Variants in SKIC3 observed in about 807,000 individuals in gnomAD.
The protein encoded by SKIC3 is superkiller complex protein 3.
At chr5:95,552,049 C>A in the SKIC3 span, among the ~76,000 whole-genome samples, 3 of 152,176 alleles carry the variant, frequency 2.0e-5, no homozygotes, top group African/African-American at 7.2e-5. Context: ...AAACTTCTTA[C>A]CTATACAAAC....
the SKIC3 span, chr5:95,523,503 G>A: frequency 8.5e-7 from 1 of 1,170,922 alleles, no homozygotes; most frequent in Admixed American, 2.7e-5. Flanking sequence ...TCTGCCAATG[G>A]AAAAAAACTT....
the SKIC3 span, chr5:95,528,968 C>A: frequency 6.3e-7 from 1 of 1,582,772 alleles, no homozygotes; most frequent in Non-Finnish European, 8.7e-7. Flanking sequence ...GTTGGTCACC[C>A]TTATATGTCA....
chr5:95,490,562 A>G, the SKIC3 span, among the ~76,000 whole-genome samples: 2 of 150,282 alleles, frequency 1.3e-5, no homozygotes, highest in African/African-American at 4.9e-5. Context: ...CGGTGGCGCA[A>G]TCTCGGCTCA....
the SKIC3 span, chr5:95,509,638 G>T: frequency 6.2e-7 from 1 of 1,613,704 alleles, no homozygotes; most frequent in Non-Finnish European, 8.5e-7. Context: ...GTAGATGTTC[G>T]TTTAAGTAAC....
the SKIC3 span, among the ~76,000 whole-genome samples, chr5:95,548,053 TTAA>T: frequency 6.6e-6 from 1 of 152,102 alleles, no homozygotes; most frequent in African/African-American, 2.4e-5. Flanking sequence ...TTAAGATATA[TTAA>T]TTTTAAATAA....
the SKIC3 span, chr5:95,536,774 T>C: frequency 9.1e-5 from 135 of 1,484,178 alleles, no homozygotes; most frequent in Non-Finnish European, 4.0e-5. Flanking sequence ...ACTCACATAA[T>C]CACACACCTC....
the SKIC3 span, among the ~76,000 whole-genome samples, chr5:95,485,942 G>A: frequency 4.3e-4 from 65 of 152,242 alleles, no homozygotes; most frequent in African/African-American, 1.5e-3. Context: ...TGGGAGCCTA[G>A]AAAGGCTCCT....
chr5:95,498,629 T>G, the SKIC3 span: 1 of 712,034 alleles, frequency 1.4e-6, no homozygotes, highest in Non-Finnish European at 1.8e-6. Flanking sequence ...TAGTTAGTCT[T>G]TTTTTTTTTT....
At chr5:95,498,689 C>T in the SKIC3 span, 1 of 1,113,600 alleles carries the variant, frequency 9.0e-7, no homozygotes, top group South Asian at 1.4e-5. Flanking sequence ...GCAGTGGCAC[C>T]ATCTCGGCTC....
the SKIC3 span, chr5:95,482,398 G>A: frequency 2.1e-6 from 3 of 1,453,394 alleles, no homozygotes; most frequent in African/African-American, 4.2e-5. Context: ...AATAAAAATG[G>A]AGCATAGCCC....
At chr5:95,516,445 C>G in the SKIC3 span, 1 of 1,612,412 alleles carries the variant, frequency 6.2e-7, no homozygotes, top group Admixed American at 1.7e-5. Context: ...TAAAATAGGC[C>G]CCTTGTCTAG....
the SKIC3 span, chr5:95,498,415 C>T: frequency 6.2e-7 from 1 of 1,614,066 alleles, no homozygotes; most frequent in African/African-American, 1.3e-5. Flanking sequence ...CACACTGCGG[C>T]CTTGGAGTGC....
chr5:95,530,674 T>C, the SKIC3 span, among the ~76,000 whole-genome samples: 1 of 152,122 alleles, frequency 6.6e-6, no homozygotes, highest in Non-Finnish European at 1.5e-5. Context: ...GATAGGCGGG[T>C]TACTCATCAG....
the SKIC3 span, among the ~76,000 whole-genome samples, chr5:95,538,207 T>C: frequency 6.6e-6 from 1 of 152,112 alleles, no homozygotes; most frequent in East Asian, 1.9e-4. Context: ...TGAAATGTGT[T>C]TGATATTCTG....
chr5:95,493,508 C>T, the SKIC3 span, among the ~76,000 whole-genome samples: 1 of 151,980 alleles, frequency 6.6e-6, no homozygotes, highest in Non-Finnish European at 1.5e-5. Context: ...AAATAAAAAA[C>T]CTACCAATAT....
chr5:95,531,067 GA>G, the SKIC3 span, among the ~76,000 whole-genome samples: 5 of 149,300 alleles, frequency 3.3e-5, no homozygotes, highest in Non-Finnish European at 6.0e-5. Context: ...AAAAATTCCT[GA>G]AAAAAAAAGA....
At chr5:95,482,928 G>A in the SKIC3 span, among the ~76,000 whole-genome samples, 11 of 152,104 alleles carry the variant, frequency 7.2e-5, no homozygotes, top group Non-Finnish European at 1.3e-4. Context: ...CTAAATGTAA[G>A]TAAATAGTTG....
the SKIC3 span, among the ~76,000 whole-genome samples, chr5:95,534,775 C>T: frequency 6.6e-6 from 1 of 152,060 alleles, no homozygotes; most frequent in Non-Finnish European, 1.5e-5. Context: ...AGTATTTTTC[C>T]CTTTAGTCCT....
At chr5:95,484,340 CTTTT>C in the SKIC3 span, among the ~76,000 whole-genome samples, 3 of 119,930 alleles carry the variant, frequency 2.5e-5, no homozygotes, top group Non-Finnish European at 3.4e-5. Flanking sequence ...ATGCATTCCT[CTTTT>C]TTTTTTTTTT....
Sources: gnomAD v4.1 joint callset for allele counts (sites outside exome capture counted in the v4.1 genomes callset) on GRCh38, gnomAD v4.1.1 for gene constraint, MANE v1.5 for transcripts, NCBI Gene and HGNC (gene_info 2026-07-23, HGNC 2026-07-21) for gene names.